The following CLTCL1 variants were observed in gnomAD, a reference collection of about 807,000 sequenced individuals.
CLTCL1 encodes clathrin heavy chain like 1, also known as clathrin heavy chain 2.
CLTCL1 carries 159 observed loss-of-function variants against 190.0 expected under a neutral mutation model. The observed-to-expected ratio is 0.84, with a 90% confidence interval of 0.74 to 0.95. CLTCL1 has a LOEUF of 0.95. CLTCL1 is among the 40% of genes least tolerant of loss of function. The pLI, the probability that CLTCL1 is intolerant of heterozygous loss-of-function variation, is 0.00. For missense variants in CLTCL1, 1,878 were observed against 2,033.4 expected (o/e 0.92, Z 1.47); for synonymous variants, 752 against 769.6 (o/e 0.98, Z 0.38).
intron 2 of CLTCL1, among the ~76,000 whole-genome samples, chr22:19,272,117 C>T (rs562777724): frequency 6.6e-6 from 1 of 152,118 alleles, no homozygotes; most frequent in African/African-American, 2.4e-5. Flanking sequence ...TTAAAACAAA[C>T]AAATAAAAAA....
intron 2 of CLTCL1, among the ~76,000 whole-genome samples, chr22:19,273,286 A>G (rs1482408784): frequency 6.6e-6 from 1 of 152,218 alleles, no homozygotes; most frequent in Non-Finnish European, 1.5e-5. Context: ...TTACTGCTAC[A>G]GAATTAGCAG....
intron 19 of CLTCL1, among the ~76,000 whole-genome samples, chr22:19,212,989 A>G (rs2085280960): frequency 6.6e-6 from 1 of 152,256 alleles, no homozygotes; most frequent in Admixed American, 6.5e-5. Flanking sequence ...GGACTTTATC[A>G]AAATTATAAC....
At chr22:19,275,531 G>A (rs969543771) in intron 2 of CLTCL1, 92 bp downstream of exon 2, 12 of 1,321,850 alleles carry the variant, frequency 9.1e-6, no homozygotes, top group South Asian at 5.3e-5. Context: ...GGAGCACTTC[G>A]CCATGAGCTT....
intron 23 of CLTCL1, among the ~76,000 whole-genome samples, chr22:19,200,550 A>G (rs1224010590): frequency 6.6e-6 from 1 of 152,226 alleles, no homozygotes; most frequent in African/African-American, 2.4e-5. Flanking sequence ...ATACATTAAC[A>G]AAGGCCTTGG....
At chr22:19,210,563 C>T in intron 19 of CLTCL1, 54 bp from the exon 20 acceptor site, 1 of 1,547,822 alleles carries the variant, frequency 6.5e-7, no homozygotes, top group Non-Finnish European at 8.8e-7. Flanking sequence ...CTGCACAAAC[C>T]ATTTTTTGGC....
chr22:19,209,604 C>G (rs2085156108), intron 20 of CLTCL1, among the ~76,000 whole-genome samples: 2 of 152,266 alleles, frequency 1.3e-5, no homozygotes, highest in African/African-American at 4.8e-5. Flanking sequence ...ATATGATGAG[C>G]TGGTCTGTCT....
intron 9 of CLTCL1, 98 bp downstream of exon 9, chr22:19,233,068 G>A (rs1555959836): frequency 7.8e-7 from 1 of 1,288,596 alleles, no homozygotes; most frequent in Non-Finnish European, 1.1e-6. Flanking sequence ...TCACACCAGA[G>A]GACTTACAAA....
At chr22:19,241,266 C>T (rs2086245724) in intron 4 of CLTCL1, among the ~76,000 whole-genome samples, 1 of 152,240 alleles carries the variant, frequency 6.6e-6, no homozygotes, top group African/African-American at 2.4e-5. Context: ...GGGAAGTGCT[C>T]TTCTCCACAG....
chr22:19,278,671 C>T (rs2087599997), intron 1 of CLTCL1, among the ~76,000 whole-genome samples: 1 of 152,142 alleles, frequency 6.6e-6, no homozygotes, highest in Non-Finnish European at 1.5e-5. Flanking sequence ...TAGTTTAGTT[C>T]CCTGCTGGCT....
chr22:19,186,338 G>C (rs190915308), intron 29 of CLTCL1, among the ~76,000 whole-genome samples: 3 of 151,962 alleles, frequency 2.0e-5, no homozygotes, highest in African/African-American at 7.3e-5. Flanking sequence ...CCTCACCCCC[G>C]CGGGGAGATG....
rs1408736325 is a variant in CLTCL1 at position 19,196,263 on chromosome 22, T to C, written c.4191+3A>G. 12 of 1,612,374 alleles carry C rather than the reference T, an allele frequency of 7.4e-6. No individual in the cohort carries two copies. The highest frequency in any genetic ancestry group is 1.0e-5 in the Non-Finnish European group (12 of 1,179,808). ...GGAGCCAGCGCTCTGTATCCCCTCT[T>C]ACCTTGGTAATGATGTCCTTGAACT... On this transcript the variant is annotated splice_donor_region_variant and intron_variant, in intron 26 of 32. Coordinates refer to ENST00000427926, the MANE Select transcript of CLTCL1 (RefSeq NM_007098.4).
At chr22:19,239,798 G>A (rs750247408) in intron 4 of CLTCL1, among the ~76,000 whole-genome samples, 26 of 152,156 alleles carry the variant, frequency 1.7e-4, no homozygotes, top group African/African-American at 2.7e-4. Flanking sequence ...CGAAACTCAC[G>A]AGACATCCTC....
intron 11 of CLTCL1, among the ~76,000 whole-genome samples, chr22:19,227,306 G>T (rs1237806588): frequency 6.8e-6 from 1 of 147,812 alleles, no homozygotes; most frequent in African/African-American, 2.5e-5. Flanking sequence ...TTGAGACAGG[G>T]TCTCACTCTG....
At position 19,196,561 on chromosome 22, in the gene CLTCL1, G is replaced by A. The variant is rs1193659438; in HGVS notation, c.3969C>T (p.Leu1323=). The A allele has an allele frequency of 4.3e-6, 7 of 1,613,836 alleles. No individual in the cohort carries two copies. The highest frequency in any genetic ancestry group is 5.9e-6 in the Non-Finnish European group (7 of 1,179,862). Residue 1323 remains leucine, a synonymous_variant, in exon 25 of 33, where the codon CTC becomes CTT. Transcript: ENST00000427926. ...HMGMFTELAI[L]YSKFKPQKML... ...TCTTCTGTGGCTTGAATTTGGAGTA[G>A]AGGATGGCCAGCTCAGTGAACATGC...
chr22:19,195,855 A>G (rs2084681921), intron 26 of CLTCL1, among the ~76,000 whole-genome samples: 1 of 151,966 alleles, frequency 6.6e-6, no homozygotes, highest in Admixed American at 6.5e-5. Context: ...AGAGACATGA[A>G]CTAAAAAAAA....
At chr22:19,276,776 T>G (rs1161595641) in intron 1 of CLTCL1, among the ~76,000 whole-genome samples, 2 of 152,134 alleles carry the variant, frequency 1.3e-5, no homozygotes, top group Non-Finnish European at 2.9e-5. Flanking sequence ...TTCACGCCAT[T>G]CTCCTGCCTC....
In CLTCL1 at chr22:19,193,847, C is replaced by T. The variant is rs5746681; in HGVS notation, c.4192-2412G>A. Among the ~76,000 whole-genome samples, 162 of 152,282 alleles carry T rather than the reference C, an allele frequency of 1.1e-3. 3 individuals are homozygous for T. In the East Asian group the frequency reaches 0.02, roughly 19 times the overall value. ...TGACTTCACAAATGAAGCTCCAGAC[C>T]TTCGCAGTGAGTGTTACAGCTTTTA... On this transcript the variant is annotated intron_variant, in intron 26 of 32. Coordinates refer to ENST00000427926, the MANE Select transcript of CLTCL1 (RefSeq NM_007098.4).
intron 1 of CLTCL1, among the ~76,000 whole-genome samples, chr22:19,280,217 C>T (rs1350252155): frequency 1.3e-5 from 2 of 152,114 alleles, no homozygotes; most frequent in African/African-American, 2.4e-5. Context: ...AGCTCTAATA[C>T]ATAAAATGTC....
chr22:19,242,179 G>A (rs2086277181), intron 4 of CLTCL1, among the ~76,000 whole-genome samples: 1 of 152,058 alleles, frequency 6.6e-6, no homozygotes, highest in South Asian at 2.1e-4. Flanking sequence ...CTGAGCTCAG[G>A]CAATCCACCC....
Sources: gnomAD v4.1 joint callset for allele counts (sites outside exome capture counted in the v4.1 genomes callset) on GRCh38, gnomAD v4.1.1 for gene constraint, MANE v1.5 for transcripts, NCBI Gene and HGNC (gene_info 2026-07-23, HGNC 2026-07-21) for gene names.